Variants in SLC16A9 observed in about 807,000 individuals in gnomAD.
The protein encoded by SLC16A9 is solute carrier family 16 member 9.
In SLC16A9, 26 loss-of-function variants were observed where a neutral mutation model predicts 44.3. The ratio of observed to expected loss-of-function variants is 0.59; its 90% CI spans 0.43 to 0.81. SLC16A9 has a LOEUF of 0.81. Among genes scored for constraint, SLC16A9 ranks in the 40% least tolerant of loss-of-function variants. The pLI, the probability that SLC16A9 is intolerant of heterozygous loss-of-function variation, is 0.00. For missense variants in SLC16A9, 559 were observed against 595.8 expected (o/e 0.94, Z 0.64); for synonymous variants, 230 against 225.1 (o/e 1.02, Z -0.19).
chr10:59,654,696 C>T, intron 4 of SLC16A9, 107 bp from the exon 5 acceptor site: 2 of 827,192 alleles, frequency 2.4e-6, no homozygotes, highest in Non-Finnish European at 3.6e-6. Flanking sequence ...TTATATGTAA[C>T]TTCATATTAA....
At chr10:59,679,202 G>C (rs1244446213) in intron 2 of SLC16A9, among the ~76,000 whole-genome samples, 1 of 151,740 alleles carries the variant, frequency 6.6e-6, no homozygotes, top group Non-Finnish European at 1.5e-5. Flanking sequence ...CAGAACCACC[G>C]TTTCCTTGAA....
intron 3 of SLC16A9, among the ~76,000 whole-genome samples, chr10:59,665,737 GT>G (rs1839599879): frequency 1.3e-5 from 2 of 152,080 alleles, no homozygotes; most frequent in Non-Finnish European, 2.9e-5. Context: ...CGGTTTTATT[GT>G]AAATAATGCA....
intron 1 of SLC16A9, among the ~76,000 whole-genome samples, chr10:59,707,346 GGGGAA>G (rs1472653711): frequency 1.5e-5 from 2 of 130,544 alleles, no homozygotes; most frequent in Admixed American, 7.5e-5. Context: ...GGGGAAGGGA[GGGGAA>G]GGGAAGGGAA....
intron 4 of SLC16A9, among the ~76,000 whole-genome samples, chr10:59,663,086 A>G (rs914040146): frequency 6.6e-6 from 1 of 152,124 alleles, no homozygotes; most frequent in African/African-American, 2.4e-5. Flanking sequence ...TAGGCCAGGC[A>G]TGGTGGCTCA....
At chr10:59,697,175 G>T (rs1242063580) in intron 1 of SLC16A9, among the ~76,000 whole-genome samples, 2 of 145,474 alleles carry the variant, frequency 1.4e-5, no homozygotes, top group African/African-American at 2.5e-5. Context: ...CTGCCCGGCC[G>T]CCCCTACTGG....
At position 59,654,558 on chromosome 10, in the gene SLC16A9, A is replaced by G. The variant is rs769288819; in HGVS notation, c.468T>C (p.Ala156=). The G allele has an allele frequency of 3.8e-6, 6 of 1,599,014 alleles. No homozygotes were observed. The East Asian group carries it at 1.3e-4, about 36-fold the overall frequency. The part of the protein sequence containing the change: ...GSSVGLFIYA[A]LQRMLVEFYG... ...AGAACTCAACCAGCATCCTCTGCAG[A>G]GCAGCATATATGAAAAGGCCAACGC... Residue 156 remains alanine (A), a synonymous_variant, in exon 5 of 6, where the codon GCT becomes GCC. Coordinates refer to ENST00000395348, the MANE Select transcript of SLC16A9 (RefSeq NM_194298.3).
intron 3 of SLC16A9, among the ~76,000 whole-genome samples, chr10:59,666,311 A>G (rs934660970): frequency 9.2e-5 from 14 of 152,090 alleles, no homozygotes; most frequent in African/African-American, 2.9e-4. Context: ...AAAAAAAAAA[A>G]AAAGAAAAGA....
At chr10:59,653,040 T>A in intron 5 of SLC16A9, 90 bp from the exon 6 acceptor site, 2 of 899,182 alleles carry the variant, frequency 2.2e-6, no homozygotes, top group Non-Finnish European at 3.3e-6. Flanking sequence ...TATATATAGT[T>A]ATAATTAGTA....
intron 4 of SLC16A9, among the ~76,000 whole-genome samples, chr10:59,656,779 G>C (rs921885659): frequency 6.6e-6 from 1 of 152,142 alleles, no homozygotes; most frequent in Non-Finnish European, 1.5e-5. Context: ...ATTAAGCCCT[G>C]CGTGCAATAG....
chr10:59,678,546 C>CTTTTTTTTTTTTTTTTTTTTTTTTTTTT lies in SLC16A9; in HGVS notation c.196+5549_196+5550insAAAAAAAAAAAAAAAAAAAAAAAAAAAA, dbSNP rs751112027. On this transcript the variant is annotated intron_variant, in intron 2 of 5. Transcript: ENST00000395348. The stretch of plus-strand genomic sequence containing the variant: ...ATCTTTTTTTTTTCTTTTTCTTTTT[C>CTTTTTTTTTTTTTTTTTTTTTTTTTTTT]TTTTTTTTGAGACGGAGTCTCGCTC... Among the ~76,000 whole-genome samples, 12 of 30,618 alleles carry CTTTTTTTTTTTTTTTTTTTTTTTTTTTT rather than the reference C, an allele frequency of 3.9e-4. 4 individuals are homozygous for CTTTTTTTTTTTTTTTTTTTTTTTTTTTT. Among genetic ancestry groups the CTTTTTTTTTTTTTTTTTTTTTTTTTTTT allele is most frequent in the Non-Finnish European group, 7.1e-4 (10 of 14,174 alleles). The allele number at this position is 30,618 out of a possible 152,430, so 20.1% of individuals were successfully genotyped here.
At chr10:59,670,458 A>T (rs890048542) in intron 3 of SLC16A9, among the ~76,000 whole-genome samples, 1 of 152,214 alleles carries the variant, frequency 6.6e-6, no homozygotes, top group Non-Finnish European at 1.5e-5. Flanking sequence ...CAGAAGTTAC[A>T]AAACATGTTT....
At chr10:59,697,746 AAAATAAAT>A (rs145116462) in intron 1 of SLC16A9, among the ~76,000 whole-genome samples, 4,570 of 150,396 alleles carry the variant, frequency 0.03, 248 homozygotes, top group African/African-American at 0.11. Context: ...AATAAAATAA[AAAATAAAT>A]AAATAAATAA....
intron 4 of SLC16A9, 41 bp downstream of exon 4, chr10:59,664,186 G>T (rs769217367): frequency 3.6e-6 from 5 of 1,408,058 alleles, no homozygotes; most frequent in South Asian, 1.2e-5. Context: ...TTGTTTAGAA[G>T]ACTGAATGGT....
intron 4 of SLC16A9, among the ~76,000 whole-genome samples, chr10:59,654,987 C>T (rs1224862535): frequency 6.6e-6 from 1 of 152,068 alleles, no homozygotes; most frequent in Non-Finnish European, 1.5e-5. Flanking sequence ...ACCCAATAGC[C>T]CATATTCTTA....
rs562922443 is a variant in SLC16A9, at chr10:59,669,572, C to T, written c.340+3198G>A. Among the ~76,000 whole-genome samples, 14 of 152,294 alleles carry T rather than the reference C, an allele frequency of 9.2e-5. No individual in the cohort carries two copies. In the South Asian group the frequency reaches 2.9e-3, roughly 32 times the overall value. On this transcript the variant is annotated intron_variant, in intron 3 of 5. Coordinates refer to ENST00000395348, the MANE Select transcript of SLC16A9 (RefSeq NM_194298.3). ...TAAACAGAGGCCAGGTACAGTGGCTCACGCCTATAATCCCAGCACTTTGGG... is the reference window on the plus strand; with the variant it reads ...TAAACAGAGGCCAGGTACAGTGGCTTACGCCTATAATCCCAGCACTTTGGG...
At position 59,654,609 on chromosome 10, in the gene SLC16A9, T is replaced by C. The variant is rs1468935246; in HGVS notation, c.437-20A>G. 4.6e-6 allele frequency: 7 copies of C among 1,522,184 alleles called. No homozygotes were observed. The highest frequency in any genetic ancestry group is 5.3e-6 in the Non-Finnish European group (6 of 1,142,728). 94.3% of individuals were successfully genotyped at this position (1,522,184 alleles called of 1,614,324 possible). ...TTGAACCTAAAAAGGGAATGGGAAC[T>C]GTTCAACCTCGTAATCTGAGGCTCT... On this transcript the variant is annotated intron_variant, in intron 4 of 5. Coordinates refer to ENST00000395348, the MANE Select transcript of SLC16A9 (RefSeq NM_194298.3).
At chr10:59,682,072 T>C (rs1193654764) in intron 2 of SLC16A9, among the ~76,000 whole-genome samples, 2 of 151,996 alleles carry the variant, frequency 1.3e-5, no homozygotes, top group Non-Finnish European at 2.9e-5. Flanking sequence ...TTGCATAAGG[T>C]CACTCAGCTC....
chr10:59,687,779 A>C (rs1840164719), intron 1 of SLC16A9, among the ~76,000 whole-genome samples: 1 of 152,084 alleles, frequency 6.6e-6, no homozygotes. Context: ...TGGGCAACAT[A>C]GTGAAACTCT....
intron 2 of SLC16A9, among the ~76,000 whole-genome samples, chr10:59,678,043 C>T (rs1436976824): frequency 7.9e-6 from 1 of 126,532 alleles, no homozygotes; most frequent in Non-Finnish European, 1.6e-5. Flanking sequence ...CCCCTCCCCC[C>T]ACCCCACAAC....
Sources: gnomAD v4.1 joint callset for allele counts (sites outside exome capture counted in the v4.1 genomes callset) on GRCh38, gnomAD v4.1.1 for gene constraint, MANE v1.5 for transcripts, NCBI Gene and HGNC (gene_info 2026-07-23, HGNC 2026-07-21) for gene names.